The following AUTS2 variants were observed in gnomAD, a reference collection of about 807,000 sequenced individuals.
AUTS2 encodes the protein activator of transcription and developmental regulator AUTS2.
In AUTS2, 17 loss-of-function variants were observed where a neutral mutation model predicts 112.4. The observed-to-expected ratio is 0.15, with a 90% CI of 0.10 to 0.23. The LOEUF (loss-of-function observed/expected upper bound fraction) is 0.23. Among genes scored for constraint, AUTS2 ranks in the 10% least tolerant of loss-of-function variants. AUTS2 has a pLI of 1.00. For synonymous variants in AUTS2, 751 were observed against 702.7 expected (o/e 1.07, Z -1.09); for missense variants, 1,510 against 1,701.6 (o/e 0.89, Z 1.98).
At chr7:70,410,220 G>A (rs910020445) in intron 4 of AUTS2, among the ~76,000 whole-genome samples, 2 of 152,080 alleles carry the variant, frequency 1.3e-5, no homozygotes, top group Non-Finnish European at 2.9e-5. Context: ...GGAAGGCTGG[G>A]CCTAGGCTGC....
chr7:70,144,795 C>T (rs1372555356), intron 4 of AUTS2, among the ~76,000 whole-genome samples: 1 of 152,044 alleles, frequency 6.6e-6, no homozygotes, highest in Non-Finnish European at 1.5e-5. Context: ...TTGAAAGTCA[C>T]ATTAATTTTT....
intron 2 of AUTS2, among the ~76,000 whole-genome samples, chr7:70,110,167 C>T (rs2129571200): frequency 6.6e-6 from 1 of 152,274 alleles, no homozygotes; most frequent in African/African-American, 2.4e-5. Context: ...TTAACTGCTT[C>T]TTATTTATGT....
intron 4 of AUTS2, among the ~76,000 whole-genome samples, chr7:70,371,580 G>T (rs1328981707): frequency 6.6e-6 from 1 of 152,180 alleles, no homozygotes; most frequent in African/African-American, 2.4e-5. Flanking sequence ...TTTTGTCACA[G>T]AGTTGAGTTC....
intron 5 of AUTS2, among the ~76,000 whole-genome samples, chr7:70,534,652 C>T (rs1169939935): frequency 6.6e-6 from 1 of 152,184 alleles, no homozygotes. Flanking sequence ...TCTTGAACTC[C>T]TGACCTCAGG....
intron 1 of AUTS2, among the ~76,000 whole-genome samples, chr7:69,735,997 G>T (rs1055373283): frequency 7.2e-5 from 11 of 152,190 alleles, no homozygotes; most frequent in Admixed American, 5.2e-4. Flanking sequence ...CTTTGTGTCT[G>T]CAGGGACTTT....
rs147382970 is a variant in AUTS2, at chr7:70,761,894, T to G, written c.743-976T>G. On this transcript the variant is annotated intron_variant, in intron 6 of 18. Transcript: ENST00000342771. ...GAACCCCATGTGGTCCCAGGGGACT[T>G]TCTTAAAAGCTCTAGCAAGTGTAGT... is the stretch of plus-strand genomic sequence containing the variant. 5.1e-3 allele frequency among the ~76,000 whole-genome samples: 784 copies of G among 152,354 alleles called. 4 individuals are homozygous for G. Among genetic ancestry groups the G allele is most frequent in the South Asian group, 8.5e-3 (41 of 4,830 alleles).
intron 1 of AUTS2, among the ~76,000 whole-genome samples, chr7:69,694,873 C>T (rs1797489299): frequency 6.6e-6 from 1 of 152,072 alleles, no homozygotes; most frequent in East Asian, 1.9e-4. Context: ...AAACGCCAAA[C>T]GTCTTTGAAA....
At position 70,289,314 on chromosome 7, in the gene AUTS2, T is replaced by C. The variant is rs75446636; in HGVS notation, c.661-146438T>C. 5.0e-3 allele frequency among the ~76,000 whole-genome samples: 759 copies of C among 152,344 alleles called. 5 individuals carry two copies. The highest frequency in any genetic ancestry group is 8.7e-3 in the African/African-American group (360 of 41,584). ...GTAACTGCATAAGAATCCAGTGCTA[T>C]TGGAAGATGCATCAGAGTATTCTGA... On this transcript the variant is annotated intron_variant, in intron 4 of 18. Coordinates refer to ENST00000342771, the MANE Select transcript of AUTS2 (RefSeq NM_015570.4).
intron 4 of AUTS2, among the ~76,000 whole-genome samples, chr7:70,208,087 T>G (rs1447261456): frequency 1.3e-5 from 2 of 150,940 alleles, no homozygotes; most frequent in African/African-American, 2.4e-5. Context: ...TATTTTCATA[T>G]GTATTGTATC....
At chr7:69,823,874 G>T (rs571670617) in intron 1 of AUTS2, among the ~76,000 whole-genome samples, 1 of 152,140 alleles carries the variant, frequency 6.6e-6, no homozygotes, top group Non-Finnish European at 1.5e-5. Flanking sequence ...GTTTTGAGGT[G>T]ATTTTGTTAG....
intron 4 of AUTS2, among the ~76,000 whole-genome samples, chr7:70,312,270 A>G (rs1314820559): frequency 1.3e-5 from 2 of 152,168 alleles, no homozygotes; most frequent in African/African-American, 4.8e-5. Context: ...TACTTTAGAA[A>G]GATCCATTTA....
intron 4 of AUTS2, chr7:70,291,286 A>G (rs929301290): frequency 1.3e-5 from 2 of 152,164 alleles, no homozygotes; most frequent in African/African-American, 4.8e-5. Context: ...TCTTTTTACT[A>G]TTATAGTTAT....
At chr7:70,663,144 C>T (rs1807157893) in intron 5 of AUTS2, among the ~76,000 whole-genome samples, 1 of 152,186 alleles carries the variant, frequency 6.6e-6, no homozygotes, top group South Asian at 2.1e-4. Flanking sequence ...CCTGTAATCC[C>T]AGCACTTTGG....
chr7:69,707,942 T>C (rs1665820981), intron 1 of AUTS2, among the ~76,000 whole-genome samples: 1 of 152,158 alleles, frequency 6.6e-6, no homozygotes, highest in South Asian at 2.1e-4. Context: ...GTTTTGGCTG[T>C]TGTAAATAAA....
chr7:69,968,242 A>AT (rs1797708653), intron 2 of AUTS2, among the ~76,000 whole-genome samples: 1 of 152,098 alleles, frequency 6.6e-6, no homozygotes, highest in Admixed American at 6.5e-5. Flanking sequence ...CTGCTTACTC[A>AT]TTTGTAGTCT....
chr7:70,631,967 G>T lies in AUTS2; in HGVS notation c.691-66602G>T, dbSNP rs902646267. ...CTGGCCTCCTGTGGAGACCCGATCT[G>T]CCGTCCTGGTGGGCAGCAGGTGTGA... On this transcript the variant is annotated intron_variant, in intron 5 of 18. Coordinates refer to ENST00000342771, the MANE Select transcript of AUTS2 (RefSeq NM_015570.4). This position sits in a 1 kb window ranked among gnomAD's most constrained non-coding sequence, Gnocchi z 4.5. Among the ~76,000 whole-genome samples, 1 of 151,902 alleles carries T rather than the reference G, an allele frequency of 6.6e-6. No individual in the cohort carries two copies. The highest frequency in any genetic ancestry group is 1.5e-5 in the Non-Finnish European group (1 of 68,004).
chr7:70,158,563 T>G (rs1807906604), intron 4 of AUTS2, among the ~76,000 whole-genome samples: 1 of 152,158 alleles, frequency 6.6e-6, no homozygotes, highest in Admixed American at 6.5e-5. Context: ...AGCACATATT[T>G]GAATCCTAGA....
chr7:69,787,186 A>G (rs1789415070), intron 1 of AUTS2, among the ~76,000 whole-genome samples: 1 of 152,216 alleles, frequency 6.6e-6, no homozygotes, highest in East Asian at 1.9e-4. Context: ...ACGTTGTTCT[A>G]AAATCAGAGG....
chr7:69,763,751 A>T (rs1041498647), intron 1 of AUTS2, among the ~76,000 whole-genome samples: 4 of 152,220 alleles, frequency 2.6e-5, no homozygotes, highest in African/African-American at 9.6e-5. Context: ...CCCTTAGAAC[A>T]GTGCTTGGCA....
Sources: allele counts gnomAD v4.1 joint callset (sites outside exome capture counted in the v4.1 genomes callset), GRCh38; gene constraint gnomAD v4.1.1; non-coding constraint Gnocchi (gnomAD v3.1); transcripts MANE v1.5; gene names NCBI Gene and HGNC (gene_info 2026-07-23, HGNC 2026-07-21).